CACNA1E: variants seen among roughly 807,000 people sequenced by gnomAD.
The protein encoded by CACNA1E is voltage-dependent R-type calcium channel subunit alpha-1E.
In CACNA1E, 40 loss-of-function variants were observed where a neutral mutation model predicts 259.2. The observed-to-expected ratio is 0.15, with a 90% CI of 0.12 to 0.20. The LOEUF (loss-of-function observed/expected upper bound fraction) is 0.20. CACNA1E is among the 10% of genes least tolerant of loss of function. The pLI is 1.00. For synonymous variants in CACNA1E, 1,104 were observed against 1,138.5 expected (o/e 0.97, Z 0.61); for missense variants, 1,874 against 3,040.1 (o/e 0.62, Z 9.02).
At chr1:181,796,571 C>T (rs1345073230) in intron 46 of CACNA1E, 97 bp from the exon 47 acceptor site, 1 of 920,324 alleles carries the variant, frequency 1.1e-6, no homozygotes, top group South Asian at 2.1e-5. Flanking sequence ...GAGGGCCCAA[C>T]CCCAGGCTGT....
intron 2 of CACNA1E, among the ~76,000 whole-genome samples, chr1:181,438,455 A>C (rs1660231548): frequency 6.6e-6 from 1 of 152,202 alleles, no homozygotes; most frequent in Admixed American, 6.5e-5. Flanking sequence ...AAATTCTTTC[A>C]GGGCAGTAGG....
chr1:181,396,900 A>C (rs1656717927), intron 1 of CACNA1E, among the ~76,000 whole-genome samples: 1 of 152,178 alleles, frequency 6.6e-6, no homozygotes, highest in African/African-American at 2.4e-5. Flanking sequence ...TTCTTCTGGG[A>C]CTTGGGTAAA....
intron 2 of CACNA1E, among the ~76,000 whole-genome samples, chr1:181,434,287 T>G (rs1192717380): frequency 6.6e-6 from 1 of 152,242 alleles, no homozygotes; most frequent in Admixed American, 6.5e-5. Context: ...AATGTTAGTT[T>G]TACCATTTCC....
Position 181,484,026 on chromosome 1 carries a change from C to T in CACNA1E, c.266+16C>T, listed in dbSNP as rs749948764. The stretch of plus-strand genomic sequence containing the variant: ...TCGATTGGCCATATCCTTTCTTGCC[C>T]ACCATAACTCCCTCTCCCCCTTTGC... On this transcript the variant is annotated intron_variant, in intron 1 of 47. Coordinates refer to ENST00000367573, the MANE Select transcript of CACNA1E (RefSeq NM_001205293.3). The T allele has an allele frequency of 6.8e-6, 11 of 1,608,528 alleles. No individual in the cohort carries two copies. Among genetic ancestry groups the T allele is most frequent in the Admixed American group, 6.7e-5 (4 of 59,846 alleles).
At chr1:181,390,528 A>C (rs183037618) in intron 1 of CACNA1E, among the ~76,000 whole-genome samples, 2 of 152,238 alleles carry the variant, frequency 1.3e-5, no homozygotes, top group Admixed American at 6.5e-5. Flanking sequence ...GGTCAGTGAC[A>C]GCTGCCCGTA....
chr1:181,567,986 G>A (rs1650018914), intron 3 of CACNA1E, among the ~76,000 whole-genome samples: 1 of 152,032 alleles, frequency 6.6e-6, no homozygotes, highest in Non-Finnish European at 1.5e-5. Context: ...CATCTGGCTT[G>A]TGATGTAAAA....
intron 2 of CACNA1E, among the ~76,000 whole-genome samples, chr1:181,431,716 C>CT (rs1167552833): frequency 2.0e-5 from 3 of 152,188 alleles, no homozygotes; most frequent in African/African-American, 7.2e-5. Flanking sequence ...CTGCAGGATT[C>CT]TTTAGTACAA....
chr1:181,495,885 C>A (rs1176981963), intron 1 of CACNA1E, among the ~76,000 whole-genome samples: 1 of 152,202 alleles, frequency 6.6e-6, no homozygotes, highest in East Asian at 1.9e-4. Flanking sequence ...GAATACTGTG[C>A]TAAGTGCTGC....
chr1:181,324,081 C>T (rs534927810), intron 1 of CACNA1E, among the ~76,000 whole-genome samples: 56 of 152,344 alleles, frequency 3.7e-4, no homozygotes, highest in Admixed American at 2.6e-3. Context: ...TTCTTCTACT[C>T]ACCTTTCCCC....
chr1:181,585,476 TC>T (rs1224416679), intron 6 of CACNA1E, among the ~76,000 whole-genome samples: 1 of 152,140 alleles, frequency 6.6e-6, no homozygotes, highest in African/African-American at 2.4e-5. Flanking sequence ...CATAGGAAAG[TC>T]CCGGCCCTCA....
chr1:181,791,400 G>A (rs890305282), intron 44 of CACNA1E, among the ~76,000 whole-genome samples: 7 of 152,212 alleles, frequency 4.6e-5, no homozygotes, highest in South Asian at 2.1e-4. Flanking sequence ...ATGAACCTGG[G>A]AGGCGGAGCT....
Position 181,738,141 on chromosome 1 carries a change from G to A in CACNA1E, c.3553-226G>A, listed in dbSNP as rs566948836. ...CTGGCCAACGAGAGGGAGCAGCCAA[G>A]GAGTGGCCACTGGGTCACATGGCTC... On this transcript the variant is annotated intron_variant, in intron 23 of 47. Transcript: ENST00000367573. Among the ~76,000 whole-genome samples the A allele has an allele frequency of 6.2e-4, 95 of 152,350 alleles. 1 individual carries two copies. The highest frequency in any genetic ancestry group is 2.3e-3 in the African/African-American group (94 of 41,590).
chr1:181,584,438 G>T (rs3856092), intron 6 of CACNA1E, among the ~76,000 whole-genome samples: 35,558 of 152,142 alleles, frequency 0.23, 4,773 homozygotes, highest in Admixed American at 0.32. Flanking sequence ...AGAGGCAACT[G>T]AAAGTCTGGA....
intron 34 of CACNA1E, 72 bp from the exon 35 acceptor site, chr1:181,766,474 C>T (rs1032818811): frequency 2.1e-5 from 22 of 1,038,772 alleles, no homozygotes; most frequent in African/African-American, 7.8e-5. Context: ...CCTGTACTGC[C>T]GGTGACTGCA....
chr1:181,566,343 A>G (rs1001475525), intron 3 of CACNA1E, among the ~76,000 whole-genome samples: 15 of 152,186 alleles, frequency 9.9e-5, no homozygotes, highest in African/African-American at 3.6e-4. Flanking sequence ...CCTGTATGGA[A>G]CAGGGCTATA....
intron 7 of CACNA1E, among the ~76,000 whole-genome samples, chr1:181,674,802 C>T (rs1649206472): frequency 6.6e-6 from 1 of 152,198 alleles, no homozygotes; most frequent in African/African-American, 2.4e-5. Flanking sequence ...CCTCTAGCAG[C>T]TCTGTGGACC....
intron 47 of CACNA1E, among the ~76,000 whole-genome samples, chr1:181,797,665 G>A (rs1661929961): frequency 6.6e-6 from 1 of 152,158 alleles, no homozygotes; most frequent in South Asian, 2.1e-4. Context: ...GAGGTTCGTA[G>A]GTCACACATA....
intron 2 of CACNA1E, among the ~76,000 whole-genome samples, chr1:181,421,013 A>G (rs1284143572): frequency 1.3e-5 from 2 of 152,134 alleles, no homozygotes; most frequent in African/African-American, 4.8e-5. Context: ...AACAACAACA[A>G]CAACAGCAAC....
intron 1 of CACNA1E, among the ~76,000 whole-genome samples, chr1:181,326,944 GC>G (rs1650841303): frequency 6.6e-6 from 1 of 152,120 alleles, no homozygotes; most frequent in South Asian, 2.1e-4. Flanking sequence ...CCCCACGTGG[GC>G]CTGGCTCTCA....
Sources: allele counts gnomAD v4.1 joint callset (sites outside exome capture counted in the v4.1 genomes callset), GRCh38; gene constraint gnomAD v4.1.1; transcripts MANE v1.5; gene names NCBI Gene and HGNC (gene_info 2026-07-23, HGNC 2026-07-21).